Variants in HERC6 observed in about 807,000 individuals in gnomAD.
The protein encoded by HERC6 is probable E3 ubiquitin-protein ligase HERC6.
In HERC6, 101 loss-of-function variants were observed where a neutral mutation model predicts 114.5. The observed-to-expected ratio is 0.88, with a 90% CI of 0.75 to 1.04. The LOEUF (loss-of-function observed/expected upper bound fraction) is 1.04, where lower values mean the gene tolerates loss of function less well. HERC6 is among the 50% of genes least tolerant of loss of function. The pLI is 0.00. For missense variants in HERC6, 1,133 were observed against 1,230.9 expected (o/e 0.92, Z 1.19); for synonymous variants, 408 against 436.2 (o/e 0.94, Z 0.81).
intron 13 of HERC6, among the ~76,000 whole-genome samples, chr4:88,419,740 T>G (rs1434565724): frequency 6.6e-6 from 1 of 152,200 alleles, no homozygotes. Flanking sequence ...AATGAATTAG[T>G]AATTAAGACC....
At chr4:88,400,370 T>TC in intron 8 of HERC6, among the ~76,000 whole-genome samples, 1 of 152,156 alleles carries the variant, frequency 6.6e-6, no homozygotes, top group East Asian at 1.9e-4. Context: ...CCCAGCTGGT[T>TC]TTTTTTTGTA....
chr4:88,381,644 G>A (rs1339524799), intron 1 of HERC6, among the ~76,000 whole-genome samples: 2 of 138,120 alleles, frequency 1.4e-5, no homozygotes, highest in African/African-American at 2.7e-5. Flanking sequence ...TGCAACCTCC[G>A]CCTCCCCAGT....
chr4:88,388,763 A>G (rs1734733257), intron 3 of HERC6, among the ~76,000 whole-genome samples: 1 of 152,034 alleles, frequency 6.6e-6, no homozygotes, highest in African/African-American at 2.4e-5. Flanking sequence ...TTTCTTCCAG[A>G]CCTTTAGAGG....
chr4:88,386,193 TC>T (rs1239081779), intron 3 of HERC6, among the ~76,000 whole-genome samples: 2 of 150,374 alleles, frequency 1.3e-5, no homozygotes, highest in African/African-American at 2.4e-5. Flanking sequence ...TTATCTTTTT[TC>T]TTTTCTTTTT....
chr4:88,390,868 G>A lies in HERC6; in HGVS notation c.653G>A (p.Arg218His), dbSNP rs202030308. The change falls in exon 4 of 23, where the codon CGT becomes CAT. Residue 218 changes from arginine to histidine, a missense_variant. Around this residue, in one of 3 missense-constraint regions of HERC6, gnomAD observed 735 missense variants for 754.0 expected, o/e 0.97. Transcript: ENST00000264346. The part of the protein sequence containing the change: ...NSAGQLALSG[R>H]NVPVQSNKPL... Reference sequence around the variant, plus strand: ...GCCGGGCAGCTGGCCCTCAGTGGGCGTAATGTCCCAGGTAAGGAGATAGTC... The same window carrying A: ...GCCGGGCAGCTGGCCCTCAGTGGGCATAATGTCCCAGGTAAGGAGATAGTC... 271 of 1,612,238 alleles carry A rather than the reference G, an allele frequency of 1.7e-4. No homozygotes were observed. The African/African-American group carries it at 2.3e-3, about 14-fold the overall frequency.
intron 17 of HERC6, among the ~76,000 whole-genome samples, chr4:88,432,565 C>A (rs774958700): frequency 6.6e-6 from 1 of 151,962 alleles, no homozygotes; most frequent in Non-Finnish European, 1.5e-5. Flanking sequence ...ACTGTCTCTA[C>A]TAAAAATACA....
Position 88,380,353 on chromosome 4 carries a change from A to T in HERC6, c.199+1233A>T, listed in dbSNP as rs866082247. Among the ~76,000 whole-genome samples the T allele has an allele frequency of 1.3e-3, 45 of 35,300 alleles. 5 individuals are homozygous for T. In the Admixed American group the frequency reaches 0.024, roughly 19 times the overall value. The allele number at this position is 35,300 out of a possible 152,430, so 23.2% of individuals were successfully genotyped here. ...AATATATAAATATATATATAATATA[A>T]ATATATATATAATATATAAATATAT... On this transcript the variant is annotated intron_variant, in intron 1 of 22. Coordinates refer to ENST00000264346, the MANE Select transcript of HERC6 (RefSeq NM_017912.4).
chr4:88,439,905 AT>A lies in HERC6; in HGVS notation c.2591del (p.Phe864SerfsTer5). On this transcript the variant is annotated frameshift_variant, in exon 21 of 23. Coordinates refer to ENST00000264346, the MANE Select transcript of HERC6 (RefSeq NM_017912.4). LOFTEE classifies it high-confidence loss of function. ...RDYVSKYIDYIFNVSVKAVYE... is the reference protein window; with the variant it reads ...RDYVSKYIDYXFNVSVKAVYE... ...CTATGTTTCTAAGTATATTGATTAC[AT>A]TTTCAACGTCTCTGTAAAAGCAGTT... The A allele has an allele frequency of 1.3e-6, 2 of 1,557,952 alleles. No homozygotes were observed. Among genetic ancestry groups the A allele is most frequent in the Non-Finnish European group, 8.6e-7 (1 of 1,157,398 alleles).
chr4:88,413,674 C>T (rs867465497), intron 12 of HERC6, among the ~76,000 whole-genome samples: 4 of 152,246 alleles, frequency 2.6e-5, no homozygotes, highest in Middle Eastern at 3.4e-3. Flanking sequence ...TTATTATTTA[C>T]TTTATTCAGT....
At chr4:88,388,694 C>T (rs1304369160) in intron 3 of HERC6, among the ~76,000 whole-genome samples, 1 of 151,954 alleles carries the variant, frequency 6.6e-6, no homozygotes, top group Non-Finnish European at 1.5e-5. Context: ...CAGAGGTGGT[C>T]CTGTTGTGTA....
chr4:88,388,515 C>G (rs995873708), intron 3 of HERC6, among the ~76,000 whole-genome samples: 3 of 141,872 alleles, frequency 2.1e-5, no homozygotes, highest in Non-Finnish European at 4.5e-5. Flanking sequence ...TGTGCCATTG[C>G]ACTCAAGCCT....
intron 8 of HERC6, 29 bp downstream of exon 8, chr4:88,398,238 A>G: frequency 7.1e-7 from 1 of 1,416,838 alleles, no homozygotes; most frequent in Non-Finnish European, 9.6e-7. Flanking sequence ...GTTCCTCTTA[A>G]AAATTATTTT....
chr4:88,401,347 G>T (rs1243309654), intron 8 of HERC6, among the ~76,000 whole-genome samples: 2 of 151,980 alleles, frequency 1.3e-5, no homozygotes, highest in Non-Finnish European at 2.9e-5. Context: ...ACAAAAATTA[G>T]CCGGGTGTGG....
At chr4:88,417,947 TA>T (rs5860133) in intron 13 of HERC6, among the ~76,000 whole-genome samples, 58,874 of 143,924 alleles carry the variant, frequency 0.41, 13,886 homozygotes, top group East Asian at 0.68. Context: ...CCACATTTCT[TA>T]AAAAAAAAAA....
chr4:88,398,181 C>A lies in HERC6; in HGVS notation c.1064C>A (p.Thr355Lys), dbSNP rs1735346859. ...DVQVKHIFAG[T>K]YANFVTTHQD... ...CAAGTCAAACACATTTTTGCTGGAA[C>A]ATATGCCAACTTTGTGACAACTCAT... Residue 355 changes from threonine to lysine, a missense_variant, in exon 8 of 23, where the codon ACA becomes AAA. This residue lies in a region of HERC6 where 735 missense variants were observed against 754.0 expected (regional missense o/e 0.97). Coordinates refer to ENST00000264346, the MANE Select transcript of HERC6 (RefSeq NM_017912.4). 6.3e-7 allele frequency: 1 copy of A among 1,596,680 alleles called. No homozygotes were observed.
intron 5 of HERC6, among the ~76,000 whole-genome samples, chr4:88,395,155 G>A (rs1251996686): frequency 2.0e-5 from 3 of 151,988 alleles, no homozygotes; most frequent in East Asian, 1.9e-4. Context: ...TGTTTTAAAT[G>A]CATATCTTAA....
chr4:88,435,787 T>C lies in HERC6; in HGVS notation c.2313T>C (p.Asn771=). The part of the protein sequence containing the change: ...FGMLCGLSLF[N]LNVANLPFPL... ...TGCTGTGTGGACTCTCCTTATTCAA[T>C]TTAAATGTTGCTAACCTTCCTTTCC... Residue 771 remains asparagine (N), a synonymous_variant, in exon 18 of 23, where the codon AAT becomes AAC. Transcript: ENST00000264346. 1.2e-6 allele frequency: 2 copies of C among 1,611,714 alleles called. No homozygotes were observed. Among genetic ancestry groups the C allele is most frequent in the African/African-American group, 2.7e-5 (2 of 74,998 alleles).
intron 20 of HERC6, 32 bp from the exon 21 acceptor site, chr4:88,439,842 C>CTTTTTTTTTTTTTTTT (rs537714979): frequency 1.2e-6 from 1 of 842,178 alleles, no homozygotes; most frequent in Non-Finnish European, 1.6e-6. Context: ...TCCTTCCTTT[C>CTTTTTTTTTTTTTTTT]TTTTTTTTTT....
intron 3 of HERC6, among the ~76,000 whole-genome samples, chr4:88,389,061 T>G (rs1018665086): frequency 2.0e-5 from 3 of 152,058 alleles, no homozygotes; most frequent in Non-Finnish European, 4.4e-5. Context: ...AGGGAAGATA[T>G]CTCTCAAAAG....
Sources: gnomAD v4.1 joint callset for allele counts (sites outside exome capture counted in the v4.1 genomes callset) on GRCh38, gnomAD v4.1.1 for gene constraint, gnomAD v4.1.1 regional missense constraint, MANE v1.5 for transcripts, NCBI Gene and HGNC (gene_info 2026-07-23, HGNC 2026-07-21) for gene names.